The following PLEKHG4B variants were observed in gnomAD, a reference collection of about 807,000 sequenced individuals.
The protein encoded by PLEKHG4B is pleckstrin homology and RhoGEF domain containing G4B.
PLEKHG4B carries 111 observed loss-of-function variants against 121.3 expected under a neutral mutation model. That is an observed-to-expected ratio of 0.92 (90% CI 0.78 to 1.07). PLEKHG4B has a LOEUF of 1.07. PLEKHG4B is among the 50% of genes least tolerant of loss of function. The probability of loss-of-function intolerance (pLI) is 0.00; values close to 1 mark genes in which losing one functional copy is unlikely to be tolerated. For missense variants in PLEKHG4B, 1,831 were observed against 1,757.8 expected (o/e 1.04, Z -0.74); for synonymous variants, 738 against 725.0 (o/e 1.02, Z -0.29).
Position 169,323 on chromosome 5 carries a change from A to G in PLEKHG4B, c.3477-17A>G. On this transcript the variant is annotated splice_polypyrimidine_tract_variant and intron_variant, in intron 13 of 19. Coordinates refer to ENST00000637938, the MANE Select transcript of PLEKHG4B (RefSeq NM_052909.5). ...CGTGGGGGGCCGTGTGCCCCCCGGG[A>G]TCTCTGTGTCTTCCAGCAGCCGACT... 1 of 1,612,736 alleles carries G rather than the reference A, an allele frequency of 6.2e-7. No homozygotes were observed. Among genetic ancestry groups the G allele is most frequent in the Non-Finnish European group, 8.5e-7 (1 of 1,179,278 alleles).
Position 162,930 on chromosome 5 carries a change from G to C in PLEKHG4B, c.2858G>C (p.Arg953Pro). ...LWLQYPQTRL[R>P]LEEALSEAAP... The stretch of plus-strand genomic sequence containing the variant: ...CTGCAGTACCCCCAGACCCGGCTCC[G>C]TCTGGAAGAGGCCCTTTCTGAGGCT... The change falls in exon 13 of 20, where the codon CGT becomes CCT. Residue 953 changes from arginine (R) to proline (P), a missense_variant. Arg to Pro is a moderately radical substitution (Grantham distance 103, BLOSUM62 -2). Transcript: ENST00000637938. 6.4e-7 allele frequency: 1 copy of C among 1,550,822 alleles called. No individual in the cohort carries two copies. Among genetic ancestry groups the C allele is most frequent in the African/African-American group, 1.4e-5 (1 of 73,482 alleles).
At chr5:114,159 T>C (rs1271044666) in intron 2 of PLEKHG4B, among the ~76,000 whole-genome samples, 3 of 152,234 alleles carry the variant, frequency 2.0e-5, no homozygotes, top group African/African-American at 7.2e-5. Flanking sequence ...CTTGCCTTAA[T>C]GTTGATGGCT....
chr5:139,044 G>A lies in PLEKHG4B; in HGVS notation c.244-439G>A, dbSNP rs547503994. Among the ~76,000 whole-genome samples the A allele has an allele frequency of 2.0e-5, 3 of 152,336 alleles. No homozygotes were observed. The highest frequency in any genetic ancestry group is 4.1e-4 in the South Asian group (2 of 4,832). On this transcript the variant is annotated intron_variant, in intron 2 of 19. Coordinates refer to ENST00000637938, the MANE Select transcript of PLEKHG4B (RefSeq NM_052909.5). This position sits in a 1 kb window ranked among gnomAD's most constrained non-coding sequence, Gnocchi z 5.0. ...CGCCTGCAGCAGCCGGGAGCCACAG[G>A]GAGCACCGGGAGTGCAGAGGAGGGA...
rs528918055 is a variant in PLEKHG4B at position 128,424 on chromosome 5, T to C, written c.244-11059T>C. 2.0e-5 allele frequency among the ~76,000 whole-genome samples: 3 copies of C among 152,278 alleles called. No homozygotes were observed. The East Asian group carries it at 5.8e-4, about 29-fold the overall frequency. ...GCATGAACTCCCCAGACCCCTCAGATAGGCATTTAGGCAAGATTAAAAAAA... is the reference window on the plus strand; with the variant it reads ...GCATGAACTCCCCAGACCCCTCAGACAGGCATTTAGGCAAGATTAAAAAAA... On this transcript the variant is annotated intron_variant, in intron 2 of 19. Coordinates refer to ENST00000637938, the MANE Select transcript of PLEKHG4B (RefSeq NM_052909.5).
intron 1 of PLEKHG4B, among the ~76,000 whole-genome samples, chr5:110,913 T>G (rs955310200): frequency 1.3e-5 from 2 of 152,242 alleles, no homozygotes; most frequent in Admixed American, 6.5e-5. Context: ...GACAAGAAAT[T>G]GGGCTGAGCT....
At chr5:142,508 C>T (rs901289542) in intron 3 of PLEKHG4B, among the ~76,000 whole-genome samples, 4 of 151,804 alleles carry the variant, frequency 2.6e-5, no homozygotes, top group Non-Finnish European at 2.9e-5. Flanking sequence ...TCACACCACA[C>T]GCAGACACAT....
chr5:162,078 C>T (rs563214225), intron 12 of PLEKHG4B, 134 bp downstream of exon 12: 2 of 1,167,164 alleles, frequency 1.7e-6, no homozygotes, highest in South Asian at 1.6e-5. Context: ...ATGGAGCCCC[C>T]CTGGCCACTG....
At chr5:177,163 T>G (rs1401271458) in intron 18 of PLEKHG4B, among the ~76,000 whole-genome samples, 1 of 152,260 alleles carries the variant, frequency 6.6e-6, no homozygotes, top group East Asian at 1.9e-4. Flanking sequence ...TTTCAGTGTT[T>G]CATTTGCTTT....
Position 156,807 on chromosome 5 carries a change from C to T in PLEKHG4B, c.2383C>T (p.Arg795Ter), listed in dbSNP as rs747027011. The T allele has an allele frequency of 2.2e-5, 35 of 1,577,698 alleles. 1 individual carries two copies. The highest frequency in any genetic ancestry group is 7.0e-5 in the South Asian group (6 of 85,936). ...GGAGGCCGCCACAAGCCTGTACGAC[C>T]GAGTGGATGAGGAGGTGCACAGGCT... Reference protein sequence around the residue: ...TLEAATSLYDRVDEEVHRLVL... With the variant: ...TLEAATSLYD Residue 795 changes from arginine (R) to a stop codon, truncating the protein, a stop_gained, in exon 11 of 20, where the codon CGA becomes TGA. Transcript: ENST00000637938. LOFTEE classifies it high-confidence loss of function. The surrounding 1 kb of genome is among the most constrained non-coding windows in gnomAD (Gnocchi z 4.4).
At chr5:117,741 T>C (rs140144375) in intron 2 of PLEKHG4B, among the ~76,000 whole-genome samples, 276 of 152,242 alleles carry the variant, frequency 1.8e-3, no homozygotes, top group African/African-American at 6.4e-3. Context: ...TAGTCCCAGC[T>C]ACTCAGGAGG....
chr5:176,494 G>A (rs1224753352), intron 18 of PLEKHG4B, among the ~76,000 whole-genome samples: 2 of 152,222 alleles, frequency 1.3e-5, no homozygotes, highest in East Asian at 1.9e-4. Flanking sequence ...CCAAAGGGAC[G>A]GGGTCCGTGC....
intron 2 of PLEKHG4B, among the ~76,000 whole-genome samples, chr5:125,464 C>T (rs1734585471): frequency 6.6e-6 from 1 of 152,066 alleles, no homozygotes; most frequent in Admixed American, 6.6e-5. Context: ...AAATTCTGTT[C>T]CTTTACAGCT....
intron 2 of PLEKHG4B, among the ~76,000 whole-genome samples, chr5:118,346 T>G (rs1734364386): frequency 6.6e-6 from 1 of 152,168 alleles, no homozygotes; most frequent in African/African-American, 2.4e-5. Flanking sequence ...GGGATATACA[T>G]TAAACACACT....
chr5:124,666 T>C (rs922702046), intron 2 of PLEKHG4B, among the ~76,000 whole-genome samples: 2 of 152,276 alleles, frequency 1.3e-5, no homozygotes, highest in Non-Finnish European at 1.5e-5. Context: ...TAACATTTTA[T>C]GATTTAATGT....
chr5:166,853 C>T (rs1168943002), intron 13 of PLEKHG4B, among the ~76,000 whole-genome samples: 1 of 152,220 alleles, frequency 6.6e-6, no homozygotes, highest in Non-Finnish European at 1.5e-5. Flanking sequence ...AGGCAAAGCT[C>T]CAAGTAGAAC....
rs370136017 is a variant in PLEKHG4B at position 156,250 on chromosome 5, G to A, written c.2348+40G>A. 2.2e-5 allele frequency: 31 copies of A among 1,403,868 alleles called. No homozygotes were observed. Among genetic ancestry groups the A allele is most frequent in the East Asian group, 1.5e-4 (6 of 39,830 alleles). The allele number at this position is 1,403,868 out of a possible 1,614,324, so 87.0% of individuals were successfully genotyped here. A position where few individuals can be genotyped will look rare whatever the true frequency, so the allele number is the denominator to read the frequency against. On this transcript the variant is annotated intron_variant, in intron 10 of 19. Coordinates refer to ENST00000637938, the MANE Select transcript of PLEKHG4B (RefSeq NM_052909.5). The surrounding 1 kb of genome is among the most constrained non-coding windows in gnomAD (Gnocchi z 4.4). ...GGGTCATGCTGGGCCCTGGCCCATC[G>A]AGGGAGCTGCTCGGGGGAGTTTGCA...
At chr5:158,502 C>G (rs556059517) in intron 11 of PLEKHG4B, among the ~76,000 whole-genome samples, 3 of 142,190 alleles carry the variant, frequency 2.1e-5, no homozygotes, top group African/African-American at 7.9e-5. Flanking sequence ...GGGGGTCTCC[C>G]CTATCTCCCC....
At chr5:145,413 G>T (rs1735375006) in intron 6 of PLEKHG4B, among the ~76,000 whole-genome samples, 1 of 152,196 alleles carries the variant, frequency 6.6e-6, no homozygotes, top group South Asian at 2.1e-4. Context: ...CCCAGACAGG[G>T]TCAATGCCAT....
In PLEKHG4B at chr5:111,126, G is replaced by A. The variant is rs3853522; in HGVS notation, c.46-2125G>A. The stretch of plus-strand genomic sequence containing the variant: ...ACCCCCAAAGGTGCTCCCCAGAATC[G>A]GGATGCTGCAGACACATCAGGCCAG... On this transcript the variant is annotated intron_variant, in intron 1 of 19. Coordinates refer to ENST00000637938, the MANE Select transcript of PLEKHG4B (RefSeq NM_052909.5). Among the ~76,000 whole-genome samples, 467 of 152,376 alleles carry A rather than the reference G, an allele frequency of 3.1e-3. 2 individuals carry two copies. The highest frequency in any genetic ancestry group is 0.01 in the Middle Eastern group (3 of 294).
Sources: gnomAD v4.1 joint callset for allele counts (sites outside exome capture counted in the v4.1 genomes callset) on GRCh38, gnomAD v4.1.1 for gene constraint, Gnocchi (gnomAD v3.1) non-coding constraint, MANE v1.5 for transcripts, NCBI Gene and HGNC (gene_info 2026-07-23, HGNC 2026-07-21) for gene names.